The following USP54 variants were observed in gnomAD, a reference collection of about 807,000 sequenced individuals.
USP54 encodes the protein ubiquitin specific peptidase 54.
USP54 carries 87 observed loss-of-function variants against 170.5 expected under a neutral mutation model. The ratio of observed to expected loss-of-function variants is 0.51; its 90% CI spans 0.43 to 0.61. The LOEUF is 0.61. Among genes scored for constraint, USP54 ranks in the 20% least tolerant of loss-of-function variants. The probability of loss-of-function intolerance (pLI) is 0.00; values close to 1 mark genes in which losing one functional copy is unlikely to be tolerated. For synonymous variants in USP54, 655 were observed against 742.8 expected, an observed-to-expected ratio of 0.88 and a Z score of 1.92; for missense variants, 1,786 against 2,047.8, an observed-to-expected ratio of 0.87 and a Z score of 2.47.
chr10:73,580,065 T>C (rs1318024485), intron 1 of USP54, among the ~76,000 whole-genome samples: 1 of 152,130 alleles, frequency 6.6e-6, no homozygotes. Flanking sequence ...AGTTCACGCC[T>C]GTAATCCCAG....
At chr10:73,500,445 T>C (rs983954662) in intron 23 of USP54, among the ~76,000 whole-genome samples, 2 of 152,370 alleles carry the variant, frequency 1.3e-5, no homozygotes, top group African/African-American at 2.4e-5. Context: ...CTAGGGGTGC[T>C]GGTCTAAACC....
At chr10:73,552,207 C>A (rs1456466402) in intron 4 of USP54, among the ~76,000 whole-genome samples, 1 of 152,046 alleles carries the variant, frequency 6.6e-6, no homozygotes, top group Non-Finnish European at 1.5e-5. Context: ...TTAATAATAG[C>A]ATTTACACCA....
At chr10:73,557,382 C>T (rs934521587) in intron 4 of USP54, among the ~76,000 whole-genome samples, 8 of 151,508 alleles carry the variant, frequency 5.3e-5, no homozygotes, top group African/African-American at 9.7e-5. Flanking sequence ...AGCGCAGTGG[C>T]GCAATCTCGC....
At chr10:73,604,962 C>T (rs1182740092) in intron 1 of USP54, among the ~76,000 whole-genome samples, 2 of 152,142 alleles carry the variant, frequency 1.3e-5, no homozygotes, top group African/African-American at 4.8e-5. Flanking sequence ...TATTTGTCCC[C>T]ACCCACGTCC....
intron 19 of USP54, chr10:73,519,514 A>G (rs1485543228): frequency 2.4e-6 from 1 of 411,232 alleles, no homozygotes; most frequent in Non-Finnish European, 4.5e-6. Context: ...ATATACAAAT[A>G]TAATAATCGC....
At chr10:73,599,377 A>G (rs2078994331) in intron 1 of USP54, among the ~76,000 whole-genome samples, 1 of 152,228 alleles carries the variant, frequency 6.6e-6, no homozygotes, top group Non-Finnish European at 1.5e-5. Context: ...GTTATGATCA[A>G]TCAACCCATA....
chr10:73,605,638 A>G (rs79744186), intron 1 of USP54, among the ~76,000 whole-genome samples: 404 of 152,320 alleles, frequency 2.7e-3, no homozygotes, highest in African/African-American at 9.4e-3. Context: ...TGGTACATAC[A>G]TAGAACTGAT....
chr10:73,536,383 G>A lies in USP54; in HGVS notation c.1030C>T (p.Pro344Ser), dbSNP rs1377326300. 6.2e-7 allele frequency: 1 copy of A among 1,604,942 alleles called. No homozygotes were observed. The highest frequency in any genetic ancestry group is 2.2e-5 in the East Asian group (1 of 44,760). The change falls in exon 11 of 24, where the codon CCC becomes TCC. Residue 344 changes from proline to serine, a missense_variant. Pro to Ser is a moderately conservative substitution (Grantham distance 74). This residue lies in a region of USP54 where 361 missense variants were observed against 455.0 expected (regional missense o/e 0.79). Transcript: ENST00000687698. ...VTKCIKGHYQ[P>S]LLLLYADPQG... ...GGATCTGCATAAAGCAGCAGCAGGGGCTGATAATGCCCCTTGATGCATTTG... is the reference window on the plus strand; with the variant it reads ...GGATCTGCATAAAGCAGCAGCAGGGACTGATAATGCCCCTTGATGCATTTG...
intron 20 of USP54, among the ~76,000 whole-genome samples, chr10:73,508,975 T>G (rs2059712875): frequency 6.6e-6 from 1 of 150,858 alleles, no homozygotes; most frequent in East Asian, 1.9e-4. Context: ...AGAACATGTT[T>G]TTTTTTTTTT....
At chr10:73,501,475 C>T (rs1413987890) in intron 22 of USP54, among the ~76,000 whole-genome samples, 1 of 152,164 alleles carries the variant, frequency 6.6e-6, no homozygotes, top group Non-Finnish European at 1.5e-5. Flanking sequence ...CCAAACTCCT[C>T]CTCCTGGCAC....
At chr10:73,510,107 C>T (rs923090239) in intron 20 of USP54, among the ~76,000 whole-genome samples, 4 of 152,148 alleles carry the variant, frequency 2.6e-5, no homozygotes, top group East Asian at 1.9e-4. Context: ...GAGGCCAAGG[C>T]GGGCGGATCA....
intron 20 of USP54, chr10:73,506,162 G>A (rs2059101745): frequency 6.6e-6 from 1 of 152,202 alleles, no homozygotes; most frequent in Non-Finnish European, 1.5e-5. Context: ...TCCAGGGTCT[G>A]AGAGTTTAGT....
At chr10:73,553,674 G>GA (rs982621552) in intron 4 of USP54, among the ~76,000 whole-genome samples, 1 of 152,184 alleles carries the variant, frequency 6.6e-6, no homozygotes, top group Admixed American at 6.5e-5. Context: ...GAAAGGGCAG[G>GA]AAGAACCAAA....
At chr10:73,525,309 A>G (rs896393633) in intron 16 of USP54, among the ~76,000 whole-genome samples, 1 of 152,254 alleles carries the variant, frequency 6.6e-6, no homozygotes, top group South Asian at 2.1e-4. Context: ...AAGTTACCAT[A>G]TAAGAATGTT....
intron 1 of USP54, among the ~76,000 whole-genome samples, chr10:73,580,076 C>A (rs1056929005): frequency 6.6e-6 from 1 of 152,066 alleles, no homozygotes; most frequent in African/African-American, 2.4e-5. Flanking sequence ...GTAATCCCAG[C>A]ACTTTGGGAG....
Position 73,575,513 on chromosome 10 carries a change from T to TGCA in USP54, c.143_145dup (p.Leu48dup). 1 of 1,602,450 alleles carries TGCA rather than the reference T, an allele frequency of 6.2e-7. No individual in the cohort carries two copies. The highest frequency in any genetic ancestry group is 8.5e-7 in the Non-Finnish European group (1 of 1,176,336). On this transcript the variant is annotated inframe_insertion and splice_region_variant, in exon 3 of 24. Coordinates refer to ENST00000687698, the MANE Select transcript of USP54 (RefSeq NM_001391956.1). ...CAAAAATAAAGAAATGACCCTTACC[T>TGCA]GCAGGGCACTGTTGAGGAAGCAGCT... is the stretch of plus-strand genomic sequence containing the variant.
chr10:73,587,375 T>TG (rs1017039575), intron 1 of USP54, among the ~76,000 whole-genome samples: 3 of 151,986 alleles, frequency 2.0e-5, no homozygotes, highest in African/African-American at 7.3e-5. Flanking sequence ...CTCGGGAGGA[T>TG]GAGGCAGGAG....
At chr10:73,510,443 C>T in intron 20 of USP54, among the ~76,000 whole-genome samples, 1 of 150,388 alleles carries the variant, frequency 6.6e-6, no homozygotes, top group East Asian at 2.0e-4. Context: ...GTTATTATAA[C>T]ATTTATTCTT....
intron 1 of USP54, among the ~76,000 whole-genome samples, chr10:73,610,690 T>A (rs2080073734): frequency 6.6e-6 from 1 of 151,736 alleles, no homozygotes; most frequent in Non-Finnish European, 1.5e-5. Flanking sequence ...TTTTCAAACA[T>A]CCTAGAAAAA....
Sources: allele counts gnomAD v4.1 joint callset (sites outside exome capture counted in the v4.1 genomes callset), GRCh38; gene constraint gnomAD v4.1.1; regional missense constraint gnomAD v4.1.1; transcripts MANE v1.5; gene names NCBI Gene and HGNC (gene_info 2026-07-23, HGNC 2026-07-21).